Variants in NEBL observed in about 807,000 individuals in gnomAD.
NEBL encodes the protein LIM and SH3 protein 2.
Under a neutral mutation model 140.2 loss-of-function variants are expected in NEBL, and 122 were observed. The observed-to-expected ratio is 0.87, with a 90% CI of 0.75 to 1.01. The LOEUF (loss-of-function observed/expected upper bound fraction) is 1.01. Ranked by LOEUF, NEBL falls within the 50% of genes least tolerant of loss-of-function variation. NEBL has a pLI of 0.00. For synonymous variants in NEBL, 436 were observed against 398.9 expected (o/e 1.09, Z -1.11); for missense variants, 1,365 against 1,231.3 (o/e 1.11, Z -1.62).
chr10:21,117,198 A>G (rs1838325663), intron 2 of NEBL, among the ~76,000 whole-genome samples: 1 of 151,938 alleles, frequency 6.6e-6, no homozygotes, highest in Non-Finnish European at 1.5e-5. Context: ...CCAGGAGACA[A>G]TGGTTCCCTG....
chr10:21,002,414 C>G (rs1010624749), intron 3 of NEBL, among the ~76,000 whole-genome samples: 8 of 152,070 alleles, frequency 5.3e-5, no homozygotes, highest in Non-Finnish European at 1.2e-4. Flanking sequence ...GAATGTTTAC[C>G]ATGTCAAAGG....
intron 4 of NEBL, among the ~76,000 whole-genome samples, chr10:20,908,507 T>C (rs1356443145): frequency 6.6e-6 from 1 of 152,206 alleles, no homozygotes; most frequent in Non-Finnish European, 1.5e-5. Context: ...ATGAGGATCC[T>C]TGATCTAGCA....
At position 21,028,247 on chromosome 10, in the gene NEBL, A is replaced by AG. The variant is rs71392105; in HGVS notation, c.165-8047_165-8046insC. ...ATCTCAAACATCTCAAAAAAAAAAA[A>AG]AAAAAAAAAGAAGAAGAAGAAGAAG... On this transcript the variant is annotated intron_variant, in intron 2 of 6. Coordinates refer to the NEBL transcript ENST00000417816. Among the ~76,000 whole-genome samples the AG allele has an allele frequency of 7.5e-3, 1,101 of 147,648 alleles. 26 individuals are homozygous for AG. Among genetic ancestry groups the AG allele is most frequent in the Admixed American group, 0.044 (613 of 13,884 alleles).
intron 3 of NEBL, among the ~76,000 whole-genome samples, chr10:20,971,231 A>T (rs1270625761): frequency 6.6e-6 from 1 of 152,216 alleles, no homozygotes; most frequent in Non-Finnish European, 1.5e-5. Context: ...AAGGCAAAAT[A>T]TTATATCTAT....
intron 3 of NEBL, among the ~76,000 whole-genome samples, chr10:21,240,476 C>G (rs1335258201): frequency 1.3e-5 from 2 of 152,084 alleles, no homozygotes; most frequent in South Asian, 2.1e-4. Flanking sequence ...AACCCCATCT[C>G]TACTAAAAAC....
chr10:20,822,706 C>T (rs886317735), intron 19 of NEBL, among the ~76,000 whole-genome samples: 21 of 148,326 alleles, frequency 1.4e-4, no homozygotes, highest in African/African-American at 4.4e-4. Context: ...ACTATAGATA[C>T]GTATATATGT....
At chr10:20,905,314 G>A (rs572138505) in intron 4 of NEBL, among the ~76,000 whole-genome samples, 13 of 152,226 alleles carry the variant, frequency 8.5e-5, no homozygotes, top group East Asian at 7.7e-4. Flanking sequence ...AAACATACCC[G>A]AGACTGGGTA....
At chr10:20,862,517 G>A (rs788992) in intron 7 of NEBL, among the ~76,000 whole-genome samples, 33,535 of 152,070 alleles carry the variant, frequency 0.22, 4,139 homozygotes, top group East Asian at 0.43. Context: ...TTGTTCACTC[G>A]CCAACTACAC....
intron 2 of NEBL, among the ~76,000 whole-genome samples, chr10:21,127,825 T>C (rs913432718): frequency 6.6e-6 from 1 of 152,228 alleles, no homozygotes; most frequent in African/African-American, 2.4e-5. Flanking sequence ...ATAAATGTAC[T>C]TAATTTGGCT....
intron 6 of NEBL, among the ~76,000 whole-genome samples, chr10:20,869,376 T>C (rs1204551714): frequency 6.6e-6 from 1 of 151,968 alleles, no homozygotes; most frequent in African/African-American, 2.4e-5. Flanking sequence ...ACAGCAGCAA[T>C]ATGGAAACAA....
intron 7 of NEBL, among the ~76,000 whole-genome samples, chr10:20,865,619 C>T (rs1844195607): frequency 6.6e-6 from 1 of 152,124 alleles, no homozygotes; most frequent in Non-Finnish European, 1.5e-5. Flanking sequence ...TGCTGGAAAT[C>T]TGAAGTGATG....
intron 3 of NEBL, among the ~76,000 whole-genome samples, chr10:21,212,219 C>T (rs1350311912): frequency 6.6e-6 from 1 of 151,422 alleles, no homozygotes; most frequent in Non-Finnish European, 1.5e-5. Context: ...AAAGATAATA[C>T]AAATATATGA....
Position 21,020,168 on chromosome 10 carries a change from T to C in NEBL, c.198A>G (p.Ala66=), listed in dbSNP as rs1838727788. ...TCAGGCGAAGATTTTCAGGTGTATCTGCCACCGTGGTGAAGGACTGCTTCG... is the reference window on the plus strand; with the variant it reads ...TCAGGCGAAGATTTTCAGGTGTATCCGCCACCGTGGTGAAGGACTGCTTCG... The change falls in exon 3 of 7, where the codon GCA becomes GCG. Residue 66 remains alanine, a synonymous_variant. Transcript: ENST00000417816. 5.0e-6 allele frequency: 8 copies of C among 1,614,182 alleles called. No individual in the cohort carries two copies. The East Asian group carries it at 1.8e-4, about 36-fold the overall frequency.
intron 3 of NEBL, among the ~76,000 whole-genome samples, chr10:21,225,279 A>T (rs1842129309): frequency 6.6e-6 from 1 of 152,050 alleles, no homozygotes; most frequent in Non-Finnish European, 1.5e-5. Flanking sequence ...GCTGGGGGAG[A>T]GGTGACACAA....
At chr10:21,271,957 T>C (rs1842865319) in intron 1 of NEBL, among the ~76,000 whole-genome samples, 1 of 151,978 alleles carries the variant, frequency 6.6e-6, no homozygotes, top group African/African-American at 2.4e-5. Context: ...ACATCTTAAA[T>C]AGAAACAATT....
intron 24 of NEBL, among the ~76,000 whole-genome samples, chr10:20,812,305 A>G (rs1345357100): frequency 3.3e-5 from 5 of 152,106 alleles, no homozygotes; most frequent in Non-Finnish European, 7.3e-5. Flanking sequence ...TCTTTGCTTA[A>G]CAAGGAGGAA....
At chr10:20,901,148 T>C (rs1001884681), upstream of NEBL, among the ~76,000 whole-genome samples, 5 of 152,216 alleles carry the variant, frequency 3.3e-5, no homozygotes, top group Non-Finnish European at 7.3e-5. Flanking sequence ...TCTCATTCTC[T>C]GTGCCATTAA....
intron 2 of NEBL, chr10:21,146,619 A>G: frequency 1.4e-6 from 1 of 738,586 alleles, no homozygotes; most frequent in African/African-American, 1.8e-5. Context: ...GCTTAGTAAC[A>G]AACACATTTG....
At chr10:20,940,122 C>G (rs1297634770) in intron 4 of NEBL, among the ~76,000 whole-genome samples, 1 of 152,148 alleles carries the variant, frequency 6.6e-6, no homozygotes, top group Non-Finnish European at 1.5e-5. Flanking sequence ...CCCAAATCAA[C>G]AGAATATACA....
Sources: allele counts gnomAD v4.1 joint callset (sites outside exome capture counted in the v4.1 genomes callset), GRCh38; gene constraint gnomAD v4.1.1; transcripts MANE v1.5; gene names NCBI Gene and HGNC (gene_info 2026-07-23, HGNC 2026-07-21).